Variants in PDLIM2 observed in about 807,000 individuals in gnomAD.
PDLIM2 encodes PDZ and LIM domain 2, also known as PDZ and LIM domain protein 2.
PDLIM2 carries 51 observed loss-of-function variants against 54.1 expected under a neutral mutation model. The ratio of observed to expected loss-of-function variants is 0.94; its 90% confidence interval spans 0.75 to 1.19. The LOEUF (loss-of-function observed/expected upper bound fraction) is 1.19. Ranked by LOEUF, PDLIM2 falls within the 50% of genes most tolerant of loss-of-function variation. The probability of loss-of-function intolerance (pLI) is 0.00; values close to 1 mark genes in which losing one functional copy is unlikely to be tolerated. For synonymous variants in PDLIM2, 398 were observed against 385.6 expected, an observed-to-expected ratio of 1.03 and a Z score of -0.38; for missense variants, 912 against 874.0, an observed-to-expected ratio of 1.04 and a Z score of -0.55.
Position 22,579,405 on chromosome 8 carries a change from C to T in PDLIM2, c.626C>T (p.Pro209Leu), listed in dbSNP as rs538285975. The change falls in exon 1 of 10, where the codon CCC becomes CTC. Residue 209 changes from proline (P) to leucine (L), a missense_variant. Coordinates refer to ENST00000308354, the Ensembl canonical transcript of PDLIM2. ...CCGGCCGGAGCGCTCCTCCTCCAGC[C>T]CCCAGCCCGCAGGGTACTTTGCCCT... 220 of 1,512,666 alleles carry T rather than the reference C, an allele frequency of 1.5e-4. 1 individual carries two copies. In the African/African-American group the frequency reaches 2.6e-3, roughly 18 times the overall value. 93.7% of individuals were successfully genotyped at this position (1,512,666 alleles called of 1,614,324 possible).
At chr8:22,579,244 C>A in exon 1 of PDLIM2, 1 of 1,362,164 alleles carries the variant, frequency 7.3e-7, no homozygotes, top group East Asian at 3.1e-5. Flanking sequence ...CCCACCTGCG[C>A]CTCTCCGCGC....
At chr8:22,578,743 A>G in exon 1 of PDLIM2, 1 of 1,233,288 alleles carries the variant, frequency 8.1e-7, no homozygotes, top group Non-Finnish European at 1.0e-6. Flanking sequence ...CGGACCGCAG[A>G]CACACCCAGG....
intron 3 of PDLIM2, among the ~76,000 whole-genome samples, chr8:22,582,876 C>CCCA (rs1379250625): frequency 1.3e-5 from 2 of 151,522 alleles, no homozygotes; most frequent in African/African-American, 4.8e-5. Flanking sequence ...CCGCGCCCGG[C>CCCA]CCAGTCTCCT....
At chr8:22,589,337 C>G (rs1427753506) in exon 7 of PDLIM2, 8 of 1,534,356 alleles carry the variant, frequency 5.2e-6, no homozygotes, top group Non-Finnish European at 6.1e-6. Flanking sequence ...GGTGCTGGTG[C>G]TGCCGCCTTC....
chr8:22,585,442 C>T (rs1426530910), intron 6 of PDLIM2, 43 bp downstream of exon 5: 3 of 1,547,116 alleles, frequency 1.9e-6, no homozygotes, highest in South Asian at 1.2e-5. Flanking sequence ...AACAGAAGCA[C>T]CTCCCGTTCC....
At chr8:22,594,798 C>A, downstream of PDLIM2, 1 of 1,300,284 alleles carries the variant, frequency 7.7e-7, no homozygotes, top group Non-Finnish European at 1.0e-6. Flanking sequence ...GGCAGGGTGG[C>A]TCAGGCTTTA....
At chr8:22,592,614 T>C (rs1450782125) in intron 9 of PDLIM2, 1 of 152,242 alleles carries the variant, frequency 6.6e-6, no homozygotes, top group Non-Finnish European at 1.5e-5. Context: ...TGAAAAAGCA[T>C]GTTTTCCATC....
At chr8:22,594,890 C>A, downstream of PDLIM2, 1 of 453,658 alleles carries the variant, frequency 2.2e-6, no homozygotes, top group Non-Finnish European at 3.8e-6. Context: ...CATGCCACTG[C>A]ATTCCAGCCT....
intron 3 of PDLIM2, 72 bp downstream of exon 2, chr8:22,581,602 G>C: frequency 6.7e-7 from 1 of 1,489,184 alleles, no homozygotes; most frequent in Admixed American, 2.2e-5. Flanking sequence ...AGCAGCCCTT[G>C]CTCCTGCCCA....
intron 6 of PDLIM2, among the ~76,000 whole-genome samples, chr8:22,586,980 GC>G (rs539952286): frequency 6.6e-6 from 1 of 152,180 alleles, no homozygotes; most frequent in South Asian, 2.1e-4. Flanking sequence ...ACTTGGACCA[GC>G]CCCCCTTCCT....
chr8:22,589,983 G>A, intron 8 of PDLIM2: 1 of 542,560 alleles, frequency 1.8e-6, no homozygotes. Context: ...AGCTGGGATG[G>A]GAAAGTGTCA....
At chr8:22,594,630 C>G, downstream of PDLIM2, 1 of 1,613,392 alleles carries the variant, frequency 6.2e-7, no homozygotes, top group Non-Finnish European at 8.5e-7. Context: ...ACCAGGAGAC[C>G]CATCCAGCCA....
chr8:22,591,663 C>T (rs768975000), exon 9 of PDLIM2: 17 of 1,609,854 alleles, frequency 1.1e-5, no homozygotes, highest in Admixed American at 1.7e-5. Flanking sequence ...GCAGTACCAG[C>T]ATCGCGTGAG....
At position 22,581,155 on chromosome 8, in the gene PDLIM2, T is replaced by C. The variant is rs1800189312; in HGVS notation, c.844-224T>C. The C allele has an allele frequency of 2.3e-5, 15 of 661,510 alleles. No homozygotes were observed. In the South Asian group the frequency reaches 2.6e-4, roughly 11 times the overall value. 41.0% of individuals were successfully genotyped at this position (661,510 alleles called of 1,614,324 possible). A position where few individuals can be genotyped will look rare whatever the true frequency, so the allele number is the denominator to read the frequency against. On this transcript the variant is annotated intron_variant, in intron 2 of 9. Coordinates refer to ENST00000308354, the Ensembl canonical transcript of PDLIM2. ...TTCCTGAAATTCTGCCACTGCACAT[T>C]CTTTGGGAGGCCCATTAGAATGCCA... is the stretch of plus-strand genomic sequence containing the variant.
chr8:22,595,210 T>A (rs1307559721), downstream of PDLIM2: 1 of 152,676 alleles, frequency 6.5e-6, no homozygotes, highest in Admixed American at 6.5e-5. Flanking sequence ...TTGGCGCAGA[T>A]GTTTGTGTTG....
At chr8:22,596,658 A>C (rs1800690017), downstream of PDLIM2, 1 of 152,176 alleles carries the variant, frequency 6.6e-6, no homozygotes, top group Non-Finnish European at 1.5e-5. Flanking sequence ...TTAGAGTTAG[A>C]AGTGGCCCAA....
chr8:22,589,918 CGGG>C, intron 8 of PDLIM2, 177 bp downstream of exon 7: 1 of 364,162 alleles, frequency 2.7e-6, no homozygotes, highest in East Asian at 4.1e-5. Flanking sequence ...GCTGACGGTC[CGGG>C]AGGGTCCGGG....
At chr8:22,590,308 C>T (rs961826202) in intron 8 of PDLIM2, 5 of 154,512 alleles carry the variant, frequency 3.2e-5, no homozygotes, top group Non-Finnish European at 7.2e-5. Context: ...ATACTGATGC[C>T]AGGCGAGCAA....
rs1800552309 is a variant in PDLIM2, at chr8:22,591,679, A to AG, written c.1631+17dup. 6.3e-7 allele frequency: 1 copy of AG among 1,599,426 alleles called. No homozygotes were observed. Among genetic ancestry groups the AG allele is most frequent in the Non-Finnish European group, 8.5e-7 (1 of 1,171,290 alleles). On this transcript the variant is annotated intron_variant, in intron 9 of 9. Transcript: ENST00000308354. ...CAGTACCAGCATCGCGTGAGTGTGG[A>AG]GGGGGGTGGGGGACCTGAGCCTTCA...
Sources: gnomAD v4.1 joint callset for allele counts (sites outside exome capture counted in the v4.1 genomes callset) on GRCh38, gnomAD v4.1.1 for gene constraint, MANE v1.5 for transcripts, NCBI Gene and HGNC (gene_info 2026-07-23, HGNC 2026-07-21) for gene names.